Variants in PRDM10 observed in about 807,000 individuals in gnomAD.
PRDM10 encodes PR domain zinc finger protein 10.
Under a neutral mutation model 133.1 loss-of-function variants are expected in PRDM10, and 65 were observed. The observed-to-expected ratio is 0.49, with a 90% CI of 0.40 to 0.60. The LOEUF is 0.60. Ranked by LOEUF, PRDM10 falls within the 20% of genes least tolerant of loss-of-function variation. The pLI is 0.00. For missense variants in PRDM10, 1,137 were observed against 1,507.1 expected (o/e 0.75, Z 4.07); for synonymous variants, 582 against 580.4 (o/e 1.00, Z -0.04).
At chr11:129,919,221 A>C (rs1212420528) in intron 13 of PRDM10, among the ~76,000 whole-genome samples, 2 of 152,190 alleles carry the variant, frequency 1.3e-5, no homozygotes, top group South Asian at 2.1e-4. Context: ...AAATATAAAA[A>C]TTAGCTGGGT....
At position 129,923,353 on chromosome 11, in the gene PRDM10, T is replaced by C. The variant is rs1263592277; in HGVS notation, c.1929A>G (p.Thr643=). 7.4e-6 allele frequency: 12 copies of C among 1,612,926 alleles called. No homozygotes were observed. Among genetic ancestry groups the C allele is most frequent in the Non-Finnish European group, 1.0e-5 (12 of 1,179,614 alleles). Residue 643 remains threonine, a synonymous_variant, in exon 13 of 21, where the codon ACA becomes ACG. Transcript: ENST00000360871. The surrounding 1 kb of genome is among the most constrained non-coding windows in gnomAD (Gnocchi z 4.4). ...GGCGACAGAAGGCCTTGTCACACTCTGTGCACTGGTAGATCTTTTCTGAGT... is the reference window on the plus strand; with the variant it reads ...GGCGACAGAAGGCCTTGTCACACTCCGTGCACTGGTAGATCTTTTCTGAGT... ...SFHSEKIYQC[T]ECDKAFCRPD... is the part of the protein sequence containing the mutation.
chr11:130,000,618 G>A (rs1222985028), intron 1 of PRDM10, among the ~76,000 whole-genome samples: 1 of 152,176 alleles, frequency 6.6e-6, no homozygotes. Context: ...AACTAAAAAT[G>A]AATTCTTTGA....
chr11:129,958,056 G>C, intron 2 of PRDM10, 146 bp from the exon 3 acceptor site: 2 of 916,530 alleles, frequency 2.2e-6, no homozygotes, highest in Non-Finnish European at 3.2e-6. Context: ...ACTAGGGGAG[G>C]ATGCAAGGAC....
chr11:129,986,051 CAG>C (rs948206094), intron 1 of PRDM10, among the ~76,000 whole-genome samples: 1 of 151,816 alleles, frequency 6.6e-6, no homozygotes, highest in African/African-American at 2.4e-5. Flanking sequence ...GGTGGTGTGG[CAG>C]AGTCTGGGGT....
At chr11:129,943,665 A>G (rs1591640380) in intron 6 of PRDM10, among the ~76,000 whole-genome samples, 1 of 152,112 alleles carries the variant, frequency 6.6e-6, no homozygotes, top group African/African-American at 2.4e-5. Flanking sequence ...TTCAAGATCA[A>G]CCTGGGCAAC....
chr11:129,974,585 G>A (rs531530125), intron 1 of PRDM10, among the ~76,000 whole-genome samples: 1 of 152,304 alleles, frequency 6.6e-6, no homozygotes, highest in South Asian at 2.1e-4. Context: ...GGAATTAGAA[G>A]TGACAGTGGA....
chr11:129,976,772 T>A, intron 1 of PRDM10, among the ~76,000 whole-genome samples: 1 of 152,174 alleles, frequency 6.6e-6, no homozygotes, highest in East Asian at 1.9e-4. Flanking sequence ...AATAATGGAC[T>A]TAGTTCTAAA....
intron 1 of PRDM10, among the ~76,000 whole-genome samples, chr11:129,966,978 A>G (rs539796424): frequency 6.6e-6 from 1 of 152,220 alleles, no homozygotes; most frequent in African/African-American, 2.4e-5. Flanking sequence ...TAGTCAATCT[A>G]TTTCTCTTTA....
chr11:129,915,983 A>G, intron 15 of PRDM10, 123 bp from the exon 16 acceptor site: 1 of 834,912 alleles, frequency 1.2e-6, no homozygotes, highest in Non-Finnish European at 1.8e-6. Context: ...AATAAAATAT[A>G]TTAATATGTA....
At chr11:129,988,839 C>T (rs558028575) in intron 1 of PRDM10, among the ~76,000 whole-genome samples, 1 of 152,104 alleles carries the variant, frequency 6.6e-6, no homozygotes, top group South Asian at 2.1e-4. Flanking sequence ...CCGTGTTAGC[C>T]AGGATGGTCT....
chr11:129,949,704 G>A (rs188811152), intron 4 of PRDM10, among the ~76,000 whole-genome samples: 46 of 152,148 alleles, frequency 3.0e-4, no homozygotes, highest in African/African-American at 1.1e-3. Context: ...GCCAAGGTGC[G>A]CAGATCACCT....
intron 1 of PRDM10, among the ~76,000 whole-genome samples, chr11:129,976,831 T>C (rs1249610162): frequency 6.6e-6 from 1 of 151,948 alleles, no homozygotes; most frequent in African/African-American, 2.4e-5. Flanking sequence ...AATAACAAAA[T>C]AATACAAATT....
intron 7 of PRDM10, among the ~76,000 whole-genome samples, chr11:129,940,915 C>T (rs1458712504): frequency 6.6e-6 from 1 of 152,116 alleles, no homozygotes; most frequent in African/African-American, 2.4e-5. Context: ...TGTTTCTCTC[C>T]AACTTTATAG....
At chr11:129,919,438 G>T (rs758784677) in intron 13 of PRDM10, among the ~76,000 whole-genome samples, 49 of 152,160 alleles carry the variant, frequency 3.2e-4, no homozygotes, top group Admixed American at 8.5e-4. Flanking sequence ...AATCCCAAAA[G>T]AATTTAAGTA....
Position 129,957,863 on chromosome 11 carries a change from G to A in PRDM10, c.117C>T (p.Thr39=), listed in dbSNP as rs150387974. The A allele has an allele frequency of 5.0e-5, 80 of 1,613,878 alleles. No homozygotes were observed. The highest frequency in any genetic ancestry group is 1.3e-4 in the East Asian group (6 of 44,898). The stretch of plus-strand genomic sequence containing the variant: ...GCTGTGGGGGGCGAACCTGGTCATC[G>A]GTATAGACAATCTGAGCCACTGTTC... ...DTGTVAQIVY[T]DDQVRPPQQV... is the part of the protein sequence containing the mutation. The change falls in exon 3 of 21, where the codon ACC becomes ACT. Residue 39 remains threonine, a synonymous_variant. Transcript: ENST00000360871.
intron 7 of PRDM10, among the ~76,000 whole-genome samples, chr11:129,940,638 G>T (rs547147418): frequency 3.3e-5 from 5 of 152,214 alleles, no homozygotes; most frequent in African/African-American, 1.2e-4. Flanking sequence ...GTGCCATGGT[G>T]ATTTGCTGGA....
chr11:129,957,685 A>C, intron 3 of PRDM10, 61 bp downstream of exon 3: 13 of 1,550,302 alleles, frequency 8.4e-6, no homozygotes, highest in Non-Finnish European at 1.1e-5. Context: ...ACAGAAAGTA[A>C]ACACAAGTAA....
intron 7 of PRDM10, among the ~76,000 whole-genome samples, chr11:129,941,837 A>G (rs1951218298): frequency 6.6e-6 from 1 of 152,166 alleles, no homozygotes; most frequent in Non-Finnish European, 1.5e-5. Flanking sequence ...TATTAAGTAC[A>G]TTTTCAGTTT....
chr11:129,979,778 G>A (rs569095095), intron 1 of PRDM10, among the ~76,000 whole-genome samples: 27 of 152,020 alleles, frequency 1.8e-4, no homozygotes, highest in South Asian at 2.1e-4. Context: ...TCCTGGCCTC[G>A]GATTCTGCCC....
Sources: gnomAD v4.1 joint callset for allele counts (sites outside exome capture counted in the v4.1 genomes callset) on GRCh38, gnomAD v4.1.1 for gene constraint, Gnocchi (gnomAD v3.1) non-coding constraint, MANE v1.5 for transcripts, NCBI Gene and HGNC (gene_info 2026-07-23, HGNC 2026-07-21) for gene names.